The following DRC4 variants were observed in gnomAD, a reference collection of about 807,000 sequenced individuals.
DRC4 encodes dynein regulatory complex subunit 4.
the DRC4 span, chr16:90,036,808 A>G: frequency 1.5e-6 from 1 of 673,526 alleles, no homozygotes; most frequent in Non-Finnish European, 2.7e-6. Context: ...CCCTCACCGT[A>G]GTGCAGAGGG....
chr16:90,037,581 C>T, the DRC4 span, among the ~76,000 whole-genome samples: 1 of 152,300 alleles, frequency 6.6e-6, no homozygotes, highest in Non-Finnish European at 1.5e-5. Flanking sequence ...GTTTTGGAGA[C>T]AAGGCCCTCA....
At chr16:90,044,183 G>A in the DRC4 span, 2 of 454,734 alleles carry the variant, frequency 4.4e-6, no homozygotes, top group South Asian at 3.1e-5. Context: ...AGTGTGGGGT[G>A]AGGCAGTGAG....
chr16:90,033,062 GA>G, the DRC4 span: 19 of 870,800 alleles, frequency 2.2e-5, no homozygotes, highest in Admixed American at 5.4e-5. Flanking sequence ...GCAATTTGTT[GA>G]AAAAAAATTT....
the DRC4 span, chr16:90,042,445 A>C: frequency 6.2e-7 from 1 of 1,611,548 alleles, no homozygotes; most frequent in Non-Finnish European, 8.5e-7. Flanking sequence ...TGAGTCTCAA[A>C]CTCCCATCAC....
the DRC4 span, among the ~76,000 whole-genome samples, chr16:90,038,496 C>G: frequency 6.6e-6 from 1 of 152,206 alleles, no homozygotes; most frequent in Non-Finnish European, 1.5e-5. Flanking sequence ...CTGCTATAAG[C>G]ATTGCTGCCT....
At chr16:90,037,890 T>TA in the DRC4 span, 41 of 1,555,990 alleles carry the variant, frequency 2.6e-5, no homozygotes, top group Non-Finnish European at 3.6e-5. Flanking sequence ...CGGTGGGTGT[T>TA]AGAGCAACGG....
chr16:90,028,903 T>A, the DRC4 span: 1 of 1,275,066 alleles, frequency 7.8e-7, no homozygotes, highest in Non-Finnish European at 1.0e-6. Context: ...CAGAGGTCCT[T>A]GAACAATGGT....
chr16:90,031,578 A>T, the DRC4 span: 8 of 1,399,264 alleles, frequency 5.7e-6, no homozygotes, highest in Non-Finnish European at 7.7e-6. Context: ...TGCAGGTGGG[A>T]CATTTTCTGT....
the DRC4 span, among the ~76,000 whole-genome samples, chr16:90,025,041 G>C: frequency 7.0e-6 from 1 of 142,086 alleles, no homozygotes; most frequent in African/African-American, 2.6e-5. Context: ...TTTTGAGGTA[G>C]AGTCTTACCC....
the DRC4 span, chr16:90,037,939 C>A: frequency 8.5e-7 from 1 of 1,176,536 alleles, no homozygotes; most frequent in Non-Finnish European, 1.3e-6. Context: ...ACTAGGCTGG[C>A]CCTGCAGTGG....
At chr16:90,029,518 C>CT in the DRC4 span, 1 of 375,796 alleles carries the variant, frequency 2.7e-6, no homozygotes, top group South Asian at 2.2e-5. Flanking sequence ...AGGCTCTGCC[C>CT]AGGAGCCTCT....
At chr16:90,037,920 T>G in the DRC4 span, 1 of 1,390,418 alleles carries the variant, frequency 7.2e-7, no homozygotes, top group African/African-American at 1.4e-5. Context: ...TTCACCAAGG[T>G]GAGCGGGCAC....
the DRC4 span, chr16:90,032,789 C>T: frequency 1.9e-6 from 3 of 1,613,958 alleles, no homozygotes; most frequent in Admixed American, 3.3e-5. Context: ...AGGCTGAGGG[C>T]ACTGTAGTCA....
chr16:90,023,834 A>G, the DRC4 span, among the ~76,000 whole-genome samples: 3 of 150,624 alleles, frequency 2.0e-5, no homozygotes, highest in African/African-American at 7.3e-5. Flanking sequence ...TCTATTAAAC[A>G]TACAAAAATT....
the DRC4 span, chr16:90,035,804 G>A: frequency 2.5e-6 from 4 of 1,602,902 alleles, no homozygotes; most frequent in Non-Finnish European, 3.4e-6. Flanking sequence ...AAACAGCCAA[G>A]GCATGCAAGA....
chr16:90,036,576 A>C, the DRC4 span: 1 of 1,577,552 alleles, frequency 6.3e-7, no homozygotes, highest in Non-Finnish European at 8.6e-7. Context: ...GCCCTCATCA[A>C]CTCCCTCAAG....
chr16:90,040,452 C>T, the DRC4 span: 32 of 1,611,016 alleles, frequency 2.0e-5, no homozygotes, highest in South Asian at 2.5e-4. Context: ...TCAACGAGGT[C>T]CTGGCTGCCT....
At chr16:90,035,156 G>A in the DRC4 span, among the ~76,000 whole-genome samples, 2 of 152,090 alleles carry the variant, frequency 1.3e-5, no homozygotes, top group Non-Finnish European at 2.9e-5. Context: ...GTCCAGCTCG[G>A]CCTCCCAAAG....
chr16:90,042,758 G>A, the DRC4 span: 35 of 566,160 alleles, frequency 6.2e-5, no homozygotes, highest in African/African-American at 6.2e-4. Context: ...TGCTGGGATG[G>A]GTGTAGGGGG....
Sources: gnomAD v4.1 joint callset for allele counts (sites outside exome capture counted in the v4.1 genomes callset) on GRCh38, gnomAD v4.1.1 for gene constraint, MANE v1.5 for transcripts, NCBI Gene and HGNC (gene_info 2026-07-23, HGNC 2026-07-21) for gene names.